Variants in POC5 observed in about 807,000 individuals in gnomAD.
POC5 encodes centrosomal protein POC5.
POC5 carries 48 observed loss-of-function variants against 62.9 expected under a neutral mutation model. The observed-to-expected ratio is 0.76, with a 90% CI of 0.61 to 0.97. POC5 has a LOEUF of 0.97. Among genes scored for constraint, POC5 ranks in the 50% least tolerant of loss-of-function variants. The pLI is 0.00. For synonymous variants in POC5, 236 were observed against 228.2 expected, an observed-to-expected ratio of 1.03 and a Z score of -0.31; for missense variants, 696 against 679.5, an observed-to-expected ratio of 1.02 and a Z score of -0.27.
chr5:75,692,357 G>T, intron 7 of POC5, 39 bp downstream of exon 7: 1 of 1,423,436 alleles, frequency 7.0e-7, no homozygotes, highest in Non-Finnish European at 9.6e-7. Context: ...GAATTCAGAA[G>T]TCTAACATCC....
At chr5:75,676,249 C>T (rs1775646252) in intron 11 of POC5, among the ~76,000 whole-genome samples, 1 of 152,230 alleles carries the variant, frequency 6.6e-6, no homozygotes, top group Admixed American at 6.5e-5. Flanking sequence ...CATCTCTATA[C>T]ATTTTCTACA....
chr5:75,674,272 G>C lies in POC5; in HGVS notation c.*163C>G. The C allele has an allele frequency of 7.3e-6, 4 of 551,606 alleles. No individual in the cohort carries two copies. The highest frequency in any genetic ancestry group is 1.2e-5 in the Non-Finnish European group (4 of 341,766). 34.2% of individuals were successfully genotyped at this position (551,606 alleles called of 1,614,324 possible). A position where few individuals can be genotyped will look rare whatever the true frequency, so the allele number is the denominator to read the frequency against. ...AACATTAAAATAATTTCTACATATA[G>C]TTACAAAGCATGGTAGAGCTTGAAA... On this transcript the variant is annotated 3_prime_UTR_variant, in exon 12 of 12. Coordinates refer to ENST00000428202, the MANE Select transcript of POC5 (RefSeq NM_001099271.2).
At chr5:75,684,061 T>C (rs1775978784) in intron 10 of POC5, among the ~76,000 whole-genome samples, 1 of 152,108 alleles carries the variant, frequency 6.6e-6, no homozygotes, top group African/African-American at 2.4e-5. Flanking sequence ...ACACAAACCT[T>C]CCATCCCCAT....
intron 2 of POC5, chr5:75,712,533 AAGT>A: frequency 3.8e-6 from 5 of 1,331,480 alleles, no homozygotes; most frequent in Non-Finnish European, 4.2e-6. Context: ...TTAAAAGTGA[AAGT>A]AGCATTCATG....
chr5:75,688,828 C>T (rs1319594411), intron 9 of POC5, among the ~76,000 whole-genome samples, 184 bp downstream of exon 9: 2 of 152,134 alleles, frequency 1.3e-5, no homozygotes, highest in Non-Finnish European at 2.9e-5. Flanking sequence ...CCATAAGTAA[C>T]CATGACTGAG....
intron 5 of POC5, among the ~76,000 whole-genome samples, chr5:75,701,618 C>G (rs1776886671): frequency 1.4e-5 from 2 of 147,774 alleles, no homozygotes; most frequent in South Asian, 4.4e-4. Context: ...ATACCTAATG[C>G]TAGATGATGA....
At chr5:75,716,948 A>G (rs777011630) in intron 1 of POC5, among the ~76,000 whole-genome samples, 7 of 152,244 alleles carry the variant, frequency 4.6e-5, no homozygotes, top group Non-Finnish European at 1.0e-4. Context: ...GAGAAAAGCC[A>G]TTGCAGTAAG....
intron 11 of POC5, among the ~76,000 whole-genome samples, chr5:75,675,661 A>T (rs886140623): frequency 2.0e-5 from 3 of 152,220 alleles, no homozygotes; most frequent in African/African-American, 7.2e-5. Context: ...TAAATAGGAG[A>T]TACTCTTGCA....
At chr5:75,698,429 A>C (rs182724547) in intron 5 of POC5, among the ~76,000 whole-genome samples, 11,573 of 152,188 alleles carry the variant, frequency 0.076, 461 homozygotes, top group South Asian at 0.12. Flanking sequence ...AAAACCGCTC[A>C]ACTGCATGGA....
chr5:75,712,429 T>A, intron 2 of POC5: 5 of 1,612,870 alleles, frequency 3.1e-6, no homozygotes, highest in Non-Finnish European at 4.2e-6. Context: ...TTGTACTGAA[T>A]GTTGTGACAA....
Position 75,712,676 on chromosome 5 carries a change from A to T in POC5, c.84+178T>A, listed in dbSNP as rs1025699088. 1.2e-5 allele frequency: 9 copies of T among 728,600 alleles called. No individual in the cohort carries two copies. The African/African-American group carries it at 1.3e-4, about 10-fold the overall frequency. 45.1% of individuals were successfully genotyped at this position (728,600 alleles called of 1,614,324 possible). ...GTTCATCAATATTTTCTGAAAAGTT[A>T]AAACAATGTAAAGTCACTCCTAAAA... On this transcript the variant is annotated intron_variant, in intron 2 of 11. Transcript: ENST00000428202.
chr5:75,702,145 C>T (rs979217648), intron 5 of POC5, among the ~76,000 whole-genome samples: 1 of 151,956 alleles, frequency 6.6e-6, no homozygotes, highest in Non-Finnish European at 1.5e-5. Flanking sequence ...GGGAACATCA[C>T]ACACCGGGGC....
At chr5:75,678,802 T>G (rs1775772518) in intron 10 of POC5, among the ~76,000 whole-genome samples, 1 of 152,182 alleles carries the variant, frequency 6.6e-6, no homozygotes, top group Non-Finnish European at 1.5e-5. Context: ...AAAAGTATTA[T>G]CAGCTTTTAT....
rs527823505 is a variant in POC5 at position 75,691,092 on chromosome 5, A to G, written c.796-530T>C. ...TATTTTTCTTTTATCAATGAATTTAAATTCTTTTGAAGAAGTAGTTCCAAT... is the reference window on the plus strand; with the variant it reads ...TATTTTTCTTTTATCAATGAATTTAGATTCTTTTGAAGAAGTAGTTCCAAT... On this transcript the variant is annotated intron_variant, in intron 7 of 11. Coordinates refer to ENST00000428202, the MANE Select transcript of POC5 (RefSeq NM_001099271.2). 2.0e-5 allele frequency among the ~76,000 whole-genome samples: 3 copies of G among 152,346 alleles called. No homozygotes were observed. The South Asian group carries it at 6.2e-4, about 32-fold the overall frequency.
At position 75,692,478 on chromosome 5, in the gene POC5, G is replaced by T. The variant is rs767742377; in HGVS notation, c.713C>A (p.Ala238Asp). 1 of 1,600,702 alleles carries T rather than the reference G, an allele frequency of 6.2e-7. No homozygotes were observed. The highest frequency in any genetic ancestry group is 8.5e-7 in the Non-Finnish European group (1 of 1,173,524). ...KDEVISSLSHAIGKQKEKIEL... is the reference protein window; with the variant it reads ...KDEVISSLSHDIGKQKEKIEL... ...TATCTTTTCCTTTTGCTTGCCTATG[G>T]CATGAGACAAGCTAGAAATCACCTG... Residue 238 changes from alanine (A) to aspartate (D), a missense_variant, in exon 7 of 12, where the codon GCC (alanine) becomes GAC (aspartate). Ala to Asp is a moderately radical substitution (Grantham distance 126). Coordinates refer to ENST00000428202, the MANE Select transcript of POC5 (RefSeq NM_001099271.2).
intron 7 of POC5, among the ~76,000 whole-genome samples, chr5:75,690,841 AAAG>A (rs1776302333): frequency 6.6e-6 from 1 of 152,238 alleles, no homozygotes; most frequent in African/African-American, 2.4e-5. Flanking sequence ...AGTTAGAGAA[AAAG>A]AATACAACCA....
At chr5:75,679,951 A>G (rs1057067220) in intron 10 of POC5, among the ~76,000 whole-genome samples, 3 of 152,202 alleles carry the variant, frequency 2.0e-5, no homozygotes, top group Admixed American at 6.5e-5. Context: ...TTCTCACTAT[A>G]GTCCTTGTAA....
intron 5 of POC5, among the ~76,000 whole-genome samples, chr5:75,696,507 T>C (rs1776598419): frequency 6.6e-6 from 1 of 151,738 alleles, no homozygotes; most frequent in Non-Finnish European, 1.5e-5. Flanking sequence ...GTCCTGTCTG[T>C]TAGAAGGAAA....
At chr5:75,712,532 A>T in intron 2 of POC5, 1 of 1,334,518 alleles carries the variant, frequency 7.5e-7, no homozygotes, top group Non-Finnish European at 1.1e-6. Flanking sequence ...ATTAAAAGTG[A>T]AAGTAGCATT....
Sources: allele counts gnomAD v4.1 joint callset (sites outside exome capture counted in the v4.1 genomes callset), GRCh38; gene constraint gnomAD v4.1.1; transcripts MANE v1.5; gene names NCBI Gene and HGNC (gene_info 2026-07-23, HGNC 2026-07-21).